Variants in ZNF608 observed in about 807,000 individuals in gnomAD.
The protein encoded by ZNF608 is renal carcinoma antigen NY-REN-36.
Under a neutral mutation model 109.0 loss-of-function variants are expected in ZNF608, and 12 were observed. The ratio of observed to expected loss-of-function variants is 0.11; its 90% CI spans 0.07 to 0.18. The LOEUF (loss-of-function observed/expected upper bound fraction) is 0.18. Among genes scored for constraint, ZNF608 ranks in the 10% least tolerant of loss-of-function variants. ZNF608 has a pLI of 1.00. For synonymous variants in ZNF608, 732 were observed against 717.4 expected (o/e 1.02, Z -0.33); for missense variants, 1,707 against 1,879.3 (o/e 0.91, Z 1.70).
intron 3 of ZNF608, among the ~76,000 whole-genome samples, chr5:124,684,072 G>A (rs1752307095): frequency 6.6e-6 from 1 of 152,202 alleles, no homozygotes; most frequent in Non-Finnish European, 1.5e-5. Flanking sequence ...CCTAGAAACA[G>A]ATCTATTTTT....
intron 3 of ZNF608, among the ~76,000 whole-genome samples, chr5:124,679,922 G>C (rs1752123927): frequency 1.3e-5 from 2 of 152,274 alleles, no homozygotes; most frequent in South Asian, 4.1e-4. Flanking sequence ...TAAAGGGCTG[G>C]TCAACATTGA....
At chr5:124,712,292 G>A (rs76398807) in intron 2 of ZNF608, among the ~76,000 whole-genome samples, 1 of 152,188 alleles carries the variant, frequency 6.6e-6, no homozygotes, top group African/African-American at 2.4e-5. Flanking sequence ...GTTTCAGTTG[G>A]TGACAGTGTC....
At chr5:124,665,615 A>G (rs1427191566) in intron 3 of ZNF608, among the ~76,000 whole-genome samples, 1 of 152,256 alleles carries the variant, frequency 6.6e-6, no homozygotes, top group Non-Finnish European at 1.5e-5. Flanking sequence ...TTTTTTTATT[A>G]GAAACTTTTG....
intron 3 of ZNF608, among the ~76,000 whole-genome samples, chr5:124,658,459 A>G (rs940138490): frequency 1.3e-5 from 2 of 152,240 alleles, no homozygotes; most frequent in African/African-American, 2.4e-5. Flanking sequence ...GTCTTTGATT[A>G]AACTTCCTAG....
chr5:124,742,524 TAAG>T lies in ZNF608; in HGVS notation c.906+1557_906+1559del, dbSNP rs370520521. Among the ~76,000 whole-genome samples the T allele has an allele frequency of 1.0e-3, 156 of 152,310 alleles. 4 individuals carry two copies. The South Asian group carries it at 0.031, about 30-fold the overall frequency. On this transcript the variant is annotated intron_variant, in intron 2 of 9. Coordinates refer to ENST00000513986, the MANE Select transcript of ZNF608 (RefSeq NM_020747.3). Reference sequence around the variant, plus strand: ...GTAAATGCCCTACTGTACTAAGTAATAAGAAGATTTCAGAACACCTTTTAGCGG... The same window carrying T: ...GTAAATGCCCTACTGTACTAAGTAATAAGATTTCAGAACACCTTTTAGCGG...
chr5:124,737,492 T>A (rs767381917), intron 2 of ZNF608, among the ~76,000 whole-genome samples: 2 of 152,224 alleles, frequency 1.3e-5, no homozygotes, highest in Non-Finnish European at 2.9e-5. Flanking sequence ...CACCTTTTCC[T>A]TTGAGTTCTT....
intron 3 of ZNF608, among the ~76,000 whole-genome samples, chr5:124,691,323 C>G (rs1752620419): frequency 6.6e-6 from 1 of 152,018 alleles, no homozygotes; most frequent in African/African-American, 2.4e-5. Flanking sequence ...AGACTTTTCT[C>G]CAGAGGAGAT....
intron 2 of ZNF608, among the ~76,000 whole-genome samples, chr5:124,730,475 G>A (rs889293578): frequency 2.0e-5 from 3 of 152,322 alleles, no homozygotes; most frequent in Middle Eastern, 6.8e-3. Context: ...AGTAACTCTT[G>A]CAGATGTACT....
chr5:124,649,138 G>A lies in ZNF608; in HGVS notation c.1251-5C>T, dbSNP rs761996105. The A allele has an allele frequency of 1.3e-6, 2 of 1,545,498 alleles. No homozygotes were observed. The highest frequency in any genetic ancestry group is 1.7e-6 in the Non-Finnish European group (2 of 1,151,156). ...CTTGTCGGTGACTCACAAAACCTAT[G>A]GAAGCAAGTAACAGATGTGAAAATG... is the stretch of plus-strand genomic sequence containing the variant. On this transcript the variant is annotated splice_polypyrimidine_tract_variant and splice_region_variant and intron_variant, in intron 4 of 9. Coordinates refer to ENST00000513986, the MANE Select transcript of ZNF608 (RefSeq NM_020747.3).
At chr5:124,741,987 T>C (rs1354560054) in intron 2 of ZNF608, among the ~76,000 whole-genome samples, 1 of 152,216 alleles carries the variant, frequency 6.6e-6, no homozygotes, top group African/African-American at 2.4e-5. Context: ...CAGCTTCCTC[T>C]GGTATAGGAT....
At position 124,692,365 on chromosome 5, in the gene ZNF608, G is replaced by A. The variant is rs144529896; in HGVS notation, c.1162+8649C>T. ...TCAACATTCAACAAATATGTATGGC[G>A]CACTGACTCTGTGCCAGGCGCTGGG... On this transcript the variant is annotated intron_variant, in intron 3 of 9. Transcript: ENST00000513986. Among the ~76,000 whole-genome samples the A allele has an allele frequency of 9.9e-4, 151 of 152,266 alleles. 2 individuals are homozygous for A. The highest frequency in any genetic ancestry group is 6.6e-4 in the Non-Finnish European group (45 of 68,030).
chr5:124,713,045 C>T (rs1327119283), intron 2 of ZNF608, among the ~76,000 whole-genome samples: 1 of 152,124 alleles, frequency 6.6e-6, no homozygotes, highest in Non-Finnish European at 1.5e-5. Flanking sequence ...CTTTTTCAAA[C>T]CTCTATCCCC....
At chr5:124,697,181 C>T (rs1022507639) in intron 3 of ZNF608, among the ~76,000 whole-genome samples, 10 of 145,070 alleles carry the variant, frequency 6.9e-5, no homozygotes, top group Middle Eastern at 3.7e-3. Flanking sequence ...GTCGGAATAA[C>T]GGCGACAGAT....
Position 124,720,156 on chromosome 5 carries a change from T to A in ZNF608, c.907-18887A>T, listed in dbSNP as rs529614241. The stretch of plus-strand genomic sequence containing the variant: ...AGAGATTACAAATTATTCATTGTAT[T>A]TTTTATTTTAGAAAAGAAATAGCCT... On this transcript the variant is annotated intron_variant, in intron 2 of 9. Coordinates refer to ENST00000513986, the MANE Select transcript of ZNF608 (RefSeq NM_020747.3). Among the ~76,000 whole-genome samples, 7 of 152,320 alleles carry A rather than the reference T, an allele frequency of 4.6e-5. No individual in the cohort carries two copies. The East Asian group carries it at 1.3e-3, about 29-fold the overall frequency.
intron 1 of ZNF608, 169 bp from the exon 2 acceptor site, chr5:124,745,341 C>T (rs1000000396): frequency 2.1e-5 from 7 of 339,780 alleles, no homozygotes; most frequent in Admixed American, 5.4e-5. Flanking sequence ...TAACCAAACC[C>T]GAAAAATAAA....
At chr5:124,735,637 G>T (rs1749110000) in intron 2 of ZNF608, among the ~76,000 whole-genome samples, 1 of 152,198 alleles carries the variant, frequency 6.6e-6, no homozygotes, top group African/African-American at 2.4e-5. Flanking sequence ...GGATAATACA[G>T]CAATGGAGTA....
chr5:124,746,808 G>A, upstream of ZNF608: 1 of 983,316 alleles, frequency 1.0e-6, no homozygotes, highest in South Asian at 4.7e-5. Flanking sequence ...AGGAGGGGGG[G>A]AGTAGAGGGA....
chr5:124,640,261 G>A (rs1250244868), intron 8 of ZNF608, among the ~76,000 whole-genome samples: 2 of 152,204 alleles, frequency 1.3e-5, no homozygotes, highest in Admixed American at 1.3e-4. Context: ...AAAATATGTT[G>A]AAGCTCTAAT....
chr5:124,709,322 G>A (rs767434867), intron 2 of ZNF608, among the ~76,000 whole-genome samples: 6 of 152,078 alleles, frequency 3.9e-5, no homozygotes, highest in Non-Finnish European at 7.4e-5. Flanking sequence ...ACAGCTACAT[G>A]TGTAAAATAC....
Sources: allele counts gnomAD v4.1 joint callset (sites outside exome capture counted in the v4.1 genomes callset), GRCh38; gene constraint gnomAD v4.1.1; transcripts MANE v1.5; gene names NCBI Gene and HGNC (gene_info 2026-07-23, HGNC 2026-07-21).